CAPN3: variants seen among roughly 807,000 people sequenced by gnomAD.
CAPN3 encodes calpain-3.
CAPN3 carries 88 observed loss-of-function variants against 114.0 expected under a neutral mutation model. The ratio of observed to expected loss-of-function variants is 0.77; its 90% CI spans 0.65 to 0.92. The LOEUF (loss-of-function observed/expected upper bound fraction) is 0.92, where lower values mean the gene tolerates loss of function less well. Ranked by LOEUF, CAPN3 falls within the 40% of genes least tolerant of loss-of-function variation. The probability of loss-of-function intolerance (pLI) is 0.00; values close to 1 mark genes in which losing one functional copy is unlikely to be tolerated. For synonymous variants in CAPN3, 386 were observed against 382.9 expected (o/e 1.01, Z -0.09); for missense variants, 1,028 against 1,069.0 (o/e 0.96, Z 0.53).
chr15:42,383,882 C>T (rs2053313253), intron 1 of CAPN3, among the ~76,000 whole-genome samples: 1 of 151,774 alleles, frequency 6.6e-6, no homozygotes, highest in Non-Finnish European at 1.5e-5. Context: ...CGACACTGCC[C>T]TAACTCTCAA....
In CAPN3 at chr15:42,410,815, C is replaced by T; in HGVS notation, c.2264-69C>T. 4 of 1,428,252 alleles carry T rather than the reference C, an allele frequency of 2.8e-6. No homozygotes were observed. In the South Asian group the frequency reaches 4.6e-5, roughly 16 times the overall value. 88.5% of individuals were successfully genotyped at this position (1,428,252 alleles called of 1,614,324 possible). ...CCCAGGTCACAGAGTGGCCGAGAGG[C>T]AGGGAAAATAGAAGGCAGGCCCAAG... On this transcript the variant is annotated intron_variant, in intron 21 of 23. Coordinates refer to ENST00000397163, the MANE Select transcript of CAPN3 (RefSeq NM_000070.3).
At chr15:42,405,383 T>G (rs1450913398) in intron 14 of CAPN3, among the ~76,000 whole-genome samples, 1 of 152,194 alleles carries the variant, frequency 6.6e-6, no homozygotes, top group Non-Finnish European at 1.5e-5. Flanking sequence ...TGATCTCAGC[T>G]CACTGCAACC....
chr15:42,362,580 T>G (rs2052673445), intron 1 of CAPN3, among the ~76,000 whole-genome samples: 2 of 152,190 alleles, frequency 1.3e-5, no homozygotes, highest in Admixed American at 6.5e-5. Flanking sequence ...CATGTTCCCC[T>G]GGGGTTAAGA....
Position 42,410,876 on chromosome 15 carries a change from C to T in CAPN3, c.2264-8C>T. 1 of 1,609,602 alleles carries T rather than the reference C, an allele frequency of 6.2e-7. No homozygotes were observed. Among genetic ancestry groups the T allele is most frequent in the Middle Eastern group, 1.7e-4 (1 of 6,054 alleles). On this transcript the variant is annotated splice_polypyrimidine_tract_variant and splice_region_variant and intron_variant, in intron 21 of 23. Transcript: ENST00000397163. ...CCACGTCCACCTCTAACATGGTCCCCTCCACAGGATTCCACCTCAACAACC... is the reference window on the plus strand; with the variant it reads ...CCACGTCCACCTCTAACATGGTCCCTTCCACAGGATTCCACCTCAACAACC...
chr15:42,410,470 C>T lies in CAPN3; in HGVS notation c.2158C>T (p.Leu720Phe). 6.2e-7 allele frequency: 1 copy of T among 1,614,110 alleles called. No individual in the cohort carries two copies. Among genetic ancestry groups the T allele is most frequent in the Non-Finnish European group, 8.5e-7 (1 of 1,180,016 alleles). ...GCTCAACCTGCAGGAGTTCCACCAC[C>T]TCTGGAACAAGATTAAGGCCTGGCA... The part of the protein sequence containing the change: ...GKLNLQEFHH[L>F]WNKIKAWQKI... The change falls in exon 20 of 24, where the codon CTC becomes TTC. Residue 720 changes from leucine (L) to phenylalanine (F), a missense_variant. Transcript: ENST00000397163.
At chr15:42,367,998 A>C (rs16973183) in intron 1 of CAPN3, among the ~76,000 whole-genome samples, 1,608 of 152,332 alleles carry the variant, frequency 0.011, 26 homozygotes, top group African/African-American at 0.036. Flanking sequence ...CAGTCACAAA[A>C]GTGTTCCAAC....
At chr15:42,378,250 C>G (rs974517552) in intron 1 of CAPN3, among the ~76,000 whole-genome samples, 3 of 152,250 alleles carry the variant, frequency 2.0e-5, no homozygotes, top group South Asian at 4.1e-4. Flanking sequence ...GCCCCCACCC[C>G]GGGGGGAGCT....
intron 1 of CAPN3, among the ~76,000 whole-genome samples, chr15:42,377,252 A>G (rs1384889455): frequency 6.6e-6 from 1 of 152,134 alleles, no homozygotes; most frequent in Non-Finnish European, 1.5e-5. Flanking sequence ...TCCTAGTCTT[A>G]AGGGGAAAGC....
At position 42,373,137 on chromosome 15, in the gene CAPN3, G is replaced by C. The variant is rs1328563995; in HGVS notation, c.310-11346G>C. 2.0e-5 allele frequency among the ~76,000 whole-genome samples: 3 copies of C among 152,060 alleles called. No homozygotes were observed. In the South Asian group the frequency reaches 6.2e-4, roughly 32 times the overall value. ...GAACCCAGGAGGTGGAGGTTGCAGT[G>C]AGCCGAGATCATGCCACCGCACTCC... is the stretch of plus-strand genomic sequence containing the variant. On this transcript the variant is annotated intron_variant, in intron 1 of 23. Coordinates refer to ENST00000397163, the MANE Select transcript of CAPN3 (RefSeq NM_000070.3).
chr15:42,408,076 C>T, intron 15 of CAPN3, 135 bp from the exon 16 acceptor site: 1 of 664,080 alleles, frequency 1.5e-6, no homozygotes, highest in Non-Finnish European at 2.8e-6. Context: ...AGAGCTTGAA[C>T]CGAGGTTGAA....
chr15:42,360,939 G>A (rs1181336465), intron 1 of CAPN3, among the ~76,000 whole-genome samples: 1 of 152,230 alleles, frequency 6.6e-6, no homozygotes, highest in African/African-American at 2.4e-5. Flanking sequence ...CACTGGGCAA[G>A]CAACTGGGGG....
In CAPN3 at chr15:42,405,930, A is replaced by G. The variant is rs747461807; in HGVS notation, c.1787A>G (p.Lys596Arg). Residue 596 changes from lysine (K) to arginine (R), a missense_variant, in exon 15 of 24, where the codon AAG becomes AGG. Lys to Arg is a conservative substitution (Grantham distance 26). Transcript: ENST00000397163. ...CTGTTTCCTTTTCTTATGCAGAAAAAGAAAAAAACCAAGGTAGGTGTGTGG... is the reference window on the plus strand; with the variant it reads ...CTGTTTCCTTTTCTTATGCAGAAAAGGAAAAAAACCAAGGTAGGTGTGTGG... The part of the protein sequence containing the change: ...NTISVDRPVK[K>R]KKTKPIIFVS... 7.6e-5 allele frequency: 122 copies of G among 1,611,770 alleles called. No individual in the cohort carries two copies. Among genetic ancestry groups the G allele is most frequent in the Non-Finnish European group, 9.7e-5 (114 of 1,177,964 alleles).
chr15:42,381,732 G>T (rs2053256383), intron 1 of CAPN3, among the ~76,000 whole-genome samples: 1 of 152,106 alleles, frequency 6.6e-6, no homozygotes, highest in South Asian at 2.1e-4. Flanking sequence ...TAGAGACGAG[G>T]TTTCGTCATG....
intron 1 of CAPN3, among the ~76,000 whole-genome samples, chr15:42,375,545 C>T (rs906760736): frequency 6.6e-6 from 1 of 152,128 alleles, no homozygotes; most frequent in Non-Finnish European, 1.5e-5. Flanking sequence ...AGGCAAGAAA[C>T]TCTCTAGACC....
intron 20 of CAPN3, 46 bp downstream of exon 20, chr15:42,410,542 T>TG (rs1228458274): frequency 6.2e-7 from 1 of 1,612,394 alleles, no homozygotes; most frequent in African/African-American, 1.3e-5. Context: ...GGGGTTGATT[T>TG]GGAGATTCAG....
intron 1 of CAPN3, among the ~76,000 whole-genome samples, chr15:42,372,960 G>A (rs546942191): frequency 2.6e-5 from 4 of 151,940 alleles, no homozygotes; most frequent in African/African-American, 4.8e-5. Flanking sequence ...AGGCTGAAAC[G>A]GGCAGATCAC....
At position 42,412,204 on chromosome 15, in the gene CAPN3, G is replaced by T; in HGVS notation, c.*431G>T. 1 of 1,535,644 alleles carries T rather than the reference G, an allele frequency of 6.5e-7. No homozygotes were observed. Among genetic ancestry groups the T allele is most frequent in the Non-Finnish European group, 8.7e-7 (1 of 1,146,492 alleles). On this transcript the variant is annotated 3_prime_UTR_variant, in exon 24 of 24. Coordinates refer to ENST00000397163, the MANE Select transcript of CAPN3 (RefSeq NM_000070.3). The stretch of plus-strand genomic sequence containing the variant: ...CAAACCAGCACTGGGTTCTACTGCT[G>T]TGGGGTAAACTAACTCAGTGGAATA...
intron 1 of CAPN3, among the ~76,000 whole-genome samples, chr15:42,368,913 A>G (rs188367139): frequency 1.3e-5 from 2 of 152,310 alleles, no homozygotes; most frequent in Admixed American, 6.5e-5. Context: ...TTAGCCAGGT[A>G]TGGTGGTTTG....
At chr15:42,380,368 CTTTTTTTTTTTT>C (rs776441239) in intron 1 of CAPN3, among the ~76,000 whole-genome samples, 14 of 46,104 alleles carry the variant, frequency 3.0e-4, no homozygotes, top group Non-Finnish European at 4.6e-4. Flanking sequence ...TCTTTTTTGT[CTTTTTTTTTTTT>C]TTTTTTTTTT....
Sources: gnomAD v4.1 joint callset for allele counts (sites outside exome capture counted in the v4.1 genomes callset) on GRCh38, gnomAD v4.1.1 for gene constraint, MANE v1.5 for transcripts, NCBI Gene and HGNC (gene_info 2026-07-23, HGNC 2026-07-21) for gene names.